CFAP47: variants seen among roughly 807,000 people sequenced by gnomAD.
CFAP47 encodes the protein cilia and flagella associated protein 47.
In CFAP47, 29 loss-of-function variants were observed where a neutral mutation model predicts 148.1. The observed-to-expected ratio is 0.20, with a 90% CI of 0.15 to 0.27. CFAP47 has a LOEUF of 0.27. Ranked by LOEUF, CFAP47 falls within the 10% of genes least tolerant of loss-of-function variation. The pLI is 1.00. For missense variants in CFAP47, 1,872 were observed against 1,697.5 expected (o/e 1.10, Z -1.81); for synonymous variants, 664 against 577.3 (o/e 1.15, Z -2.15).
At chrX:36,250,276 GA>G (rs1940675369) in intron 48 of CFAP47, among the ~76,000 whole-genome samples, 1 of 111,199 alleles carries the variant, frequency 9.0e-6, no homozygotes. Flanking sequence ...GATGAACCTG[GA>G]AGCCATTATG....
chrX:36,169,782 C>T (rs1450141984), intron 39 of CFAP47, among the ~76,000 whole-genome samples: 1 of 111,445 alleles, frequency 9.0e-6, no homozygotes, highest in Non-Finnish European at 1.9e-5. Context: ...CATGTTTCAT[C>T]AGGCTTTTGT....
chrX:35,940,898 TG>T (rs1185887760), intron 2 of CFAP47, among the ~76,000 whole-genome samples: 5 of 111,664 alleles, frequency 4.5e-5, no homozygotes, highest in Non-Finnish European at 7.5e-5. Flanking sequence ...GAAATACATA[TG>T]GAAAATAAAT....
Position 36,251,350 on chromosome X carries a change from A to G in CFAP47, c.7350A>G (p.Pro2450=), listed in dbSNP as rs1555998195. Residue 2450 remains proline (P), a synonymous_variant, in exon 49 of 64, where the codon CCA becomes CCG. Transcript: ENST00000378653. ...TCTTATAGGTAACTGCAGATCTTCC[A>G]ATAGTGTGGGGAAATCCACAAATTA... ...ALTFKVTADL[P]IVWGNPQITV... is the part of the protein sequence containing the mutation. 1 of 504,765 alleles carries G rather than the reference A, an allele frequency of 2.0e-6. No homozygotes were observed. Among genetic ancestry groups the G allele is most frequent in the African/African-American group, 2.3e-5 (1 of 43,404 alleles). The allele number at this position is 504,765 out of a possible 1,213,427, so 41.6% of individuals were successfully genotyped here. A position where few individuals can be genotyped will look rare whatever the true frequency, so the allele number is the denominator to read the frequency against.
chrX:36,025,720 C>T (rs922703676), intron 22 of CFAP47, among the ~76,000 whole-genome samples: 2 of 111,978 alleles, frequency 1.8e-5, no homozygotes, highest in Non-Finnish European at 3.8e-5. Flanking sequence ...GAATTTCCTA[C>T]CTTTGCTTTT....
At chrX:36,223,408 TATA>T (rs1376094313) in intron 45 of CFAP47, among the ~76,000 whole-genome samples, 1 of 110,732 alleles carries the variant, frequency 9.0e-6, no homozygotes, top group Non-Finnish European at 1.9e-5. Context: ...CATGTTTTCT[TATA>T]ATAAATATTA....
chrX:35,971,541 T>A (rs761006968), intron 11 of CFAP47, 45 bp from the exon 12 acceptor site: 1 of 876,538 alleles, frequency 1.1e-6, no homozygotes, highest in African/African-American at 2.1e-5. Context: ...ATTTTTTGAA[T>A]GACTTGACCT....
At chrX:36,219,038 C>A (rs2146894214) in intron 45 of CFAP47, among the ~76,000 whole-genome samples, 1 of 111,225 alleles carries the variant, frequency 9.0e-6, no homozygotes, top group South Asian at 3.8e-4. Flanking sequence ...ACAATAGATG[C>A]TAAATGTCTT....
chrX:36,101,548 A>G (rs1200599844), intron 32 of CFAP47, among the ~76,000 whole-genome samples: 3 of 111,965 alleles, frequency 2.7e-5, no homozygotes, highest in East Asian at 5.7e-4. Flanking sequence ...ACAATGAGGT[A>G]TGAGCGCTTG....
intron 29 of CFAP47, among the ~76,000 whole-genome samples, chrX:36,078,807 G>A (rs1937917047): frequency 9.0e-6 from 1 of 111,341 alleles, no homozygotes; most frequent in South Asian, 3.8e-4. Flanking sequence ...TTTTGCAGTG[G>A]CTGGTACCGG....
At chrX:36,214,334 G>C (rs1940135745) in intron 45 of CFAP47, among the ~76,000 whole-genome samples, 2 of 111,747 alleles carry the variant, frequency 1.8e-5, no homozygotes, top group Admixed American at 9.5e-5. Context: ...ACTGGAAATT[G>C]CTCTAGGAGA....
chrX:36,049,758 T>C (rs1311781435), intron 26 of CFAP47, among the ~76,000 whole-genome samples: 1 of 111,742 alleles, frequency 8.9e-6, no homozygotes, highest in Non-Finnish European at 1.9e-5. Flanking sequence ...ACCCGCACAT[T>C]TGTTATTGGC....
chrX:36,217,817 A>G (rs1940173622), intron 45 of CFAP47, among the ~76,000 whole-genome samples: 1 of 112,176 alleles, frequency 8.9e-6, no homozygotes, highest in Admixed American at 9.5e-5. Context: ...CTTTGTCCTT[A>G]TAGTTTTAAT....
intron 45 of CFAP47, among the ~76,000 whole-genome samples, chrX:36,215,157 G>C (rs782020200): frequency 9.0e-6 from 1 of 111,027 alleles, no homozygotes; most frequent in South Asian, 3.8e-4. Flanking sequence ...TAATCTTATG[G>C]GACCACCATC....
At chrX:36,230,504 A>G (rs1466771211) in intron 46 of CFAP47, among the ~76,000 whole-genome samples, 1 of 101,906 alleles carries the variant, frequency 9.8e-6, no homozygotes, top group Non-Finnish European at 1.9e-5. Context: ...TAGAATCTGG[A>G]TATTAGCCCT....
intron 63 of CFAP47, among the ~76,000 whole-genome samples, chrX:36,384,495 T>A (rs1262627239): frequency 8.9e-6 from 1 of 112,363 alleles, no homozygotes; most frequent in Non-Finnish European, 1.9e-5. Context: ...TTTCCATTAG[T>A]TGGCGTTCAT....
Position 36,319,221 on chromosome X carries a change from C to G in CFAP47, c.8357C>G (p.Pro2786Arg), listed in dbSNP as rs781908471. 1.0e-5 allele frequency: 11 copies of G among 1,095,568 alleles called. No individual in the cohort carries two copies. In the Admixed American group the frequency reaches 3.2e-4, roughly 32 times the overall value. The allele number at this position is 1,095,568 out of a possible 1,213,427, so 90.3% of individuals were successfully genotyped here. A position where few individuals can be genotyped will look rare whatever the true frequency, so the allele number is the denominator to read the frequency against. Residue 2786 changes from proline (P) to arginine (R), a missense_variant, in exon 57 of 64, where the codon CCC becomes CGC. Pro to Arg is a moderately radical substitution (Grantham distance 103). Coordinates refer to ENST00000378653, the MANE Select transcript of CFAP47 (RefSeq NM_001304548.2). ...IDIILTSVEH[P>R]RNLVMDHCWD... ...ATTTTTTAATTAGGTGTGGAACATC[C>G]CAGGAATCTTGTCATGGATCATTGC...
At chrX:36,305,065 T>C (rs1318539844) in intron 54 of CFAP47, among the ~76,000 whole-genome samples, 2 of 112,364 alleles carry the variant, frequency 1.8e-5, no homozygotes, top group African/African-American at 6.5e-5. Context: ...AAATCTACAC[T>C]TTGATTTCTT....
At chrX:36,105,932 G>A (rs1276298314) in intron 33 of CFAP47, among the ~76,000 whole-genome samples, 1 of 112,209 alleles carries the variant, frequency 8.9e-6, no homozygotes, top group African/African-American at 3.2e-5. Flanking sequence ...ATATATTATA[G>A]ACATTTACCT....
At chrX:36,095,987 T>TA (rs925545325) in intron 30 of CFAP47, among the ~76,000 whole-genome samples, 6 of 111,255 alleles carry the variant, frequency 5.4e-5, no homozygotes, top group South Asian at 7.4e-4. Context: ...AGTATGTACT[T>TA]ACAGCTATAA....
Sources: allele counts gnomAD v4.1 joint callset (sites outside exome capture counted in the v4.1 genomes callset), GRCh38; gene constraint gnomAD v4.1.1; transcripts MANE v1.5; gene names NCBI Gene and HGNC (gene_info 2026-07-23, HGNC 2026-07-21).